The following CHN2 variants were observed in gnomAD, a reference collection of about 807,000 sequenced individuals.
CHN2 encodes the protein chimerin 2, also known as beta-chimaerin.
A neutral mutation model predicts 56.3 loss-of-function variants in CHN2; 35 were observed. The ratio of observed to expected loss-of-function variants is 0.62; its 90% CI spans 0.47 to 0.82. The LOEUF (loss-of-function observed/expected upper bound fraction) is 0.82, where lower values mean the gene tolerates loss of function less well. Among genes scored for constraint, CHN2 ranks in the 40% least tolerant of loss-of-function variants. CHN2 has a pLI of 0.00. For missense variants in CHN2, 491 were observed against 580.5 expected (o/e 0.85, Z 1.58); for synonymous variants, 210 against 212.8 (o/e 0.99, Z 0.12).
intron 12 of CHN2, chr7:29,509,777 A>G (rs1016900177): frequency 1.9e-5 from 3 of 161,322 alleles, no homozygotes; most frequent in Non-Finnish European, 4.0e-5. Flanking sequence ...CCCAGGAGGC[A>G]GAGCTGGCAG....
chr7:29,368,359 AC>A (rs1373988721), intron 3 of CHN2, among the ~76,000 whole-genome samples: 1 of 152,128 alleles, frequency 6.6e-6, no homozygotes, highest in African/African-American at 2.4e-5. Flanking sequence ...ACTTCTGGGT[AC>A]TTTCAACGCC....
At chr7:29,157,292 A>G (rs1030526789) in intron 2 of CHN2, among the ~76,000 whole-genome samples, 1 of 151,764 alleles carries the variant, frequency 6.6e-6, no homozygotes, top group African/African-American at 2.4e-5. Context: ...ACCTGTCAGT[A>G]CTGCATCTTT....
chr7:29,451,382 C>G (rs1316739526), intron 6 of CHN2, among the ~76,000 whole-genome samples: 2 of 152,094 alleles, frequency 1.3e-5, no homozygotes, highest in East Asian at 1.9e-4. Flanking sequence ...GGTGCACAGA[C>G]AGCTGCCTGT....
chr7:29,198,382 C>T (rs190620852), intron 1 of CHN2, among the ~76,000 whole-genome samples: 33 of 152,258 alleles, frequency 2.2e-4, no homozygotes, highest in Non-Finnish European at 3.7e-4. Context: ...TAAACTACAT[C>T]GCCCAAATGT....
intron 3 of CHN2, among the ~76,000 whole-genome samples, chr7:29,382,800 C>G (rs1402383059): frequency 6.6e-6 from 1 of 152,172 alleles, no homozygotes. Flanking sequence ...TTTTGCCAGG[C>G]TAAGGCATAG....
chr7:29,232,565 G>A (rs1786798663), intron 1 of CHN2, among the ~76,000 whole-genome samples: 1 of 152,192 alleles, frequency 6.6e-6, no homozygotes, highest in African/African-American at 2.4e-5. Flanking sequence ...GAATTTTGCA[G>A]ATTTAATTTC....
At chr7:29,266,274 C>G (rs985883349) in intron 1 of CHN2, among the ~76,000 whole-genome samples, 3 of 152,172 alleles carry the variant, frequency 2.0e-5, no homozygotes, top group Non-Finnish European at 4.4e-5. Flanking sequence ...TTCTGTAACT[C>G]CTCCCTCCTC....
chr7:29,308,192 G>A (rs757651256), intron 1 of CHN2, among the ~76,000 whole-genome samples: 2 of 151,886 alleles, frequency 1.3e-5, no homozygotes, highest in African/African-American at 2.4e-5. Flanking sequence ...CTTATGTTAC[G>A]CTGCACTCTC....
chr7:29,201,369 G>T (rs767591347), intron 1 of CHN2, among the ~76,000 whole-genome samples: 2 of 151,858 alleles, frequency 1.3e-5, no homozygotes, highest in Non-Finnish European at 2.9e-5. Context: ...CCCACTTCCT[G>T]GCTCATCCTA....
At chr7:29,268,554 G>A (rs1790350088) in intron 1 of CHN2, among the ~76,000 whole-genome samples, 1 of 152,184 alleles carries the variant, frequency 6.6e-6, no homozygotes, top group Admixed American at 6.5e-5. Context: ...ATGCACGGAT[G>A]CTTCTGCACC....
chr7:29,491,318 A>G (rs1444155490), intron 7 of CHN2, among the ~76,000 whole-genome samples: 3 of 152,142 alleles, frequency 2.0e-5, no homozygotes, highest in Non-Finnish European at 4.4e-5. Context: ...GATTTTTTCT[A>G]CAATCACTGT....
intron 1 of CHN2, among the ~76,000 whole-genome samples, chr7:29,208,089 A>G (rs1277963457): frequency 1.3e-5 from 2 of 152,158 alleles, no homozygotes; most frequent in African/African-American, 4.8e-5. Flanking sequence ...CCTCCCAAGT[A>G]TAGAGACTCC....
At position 29,331,984 on chromosome 7, in the gene CHN2, C is replaced by T. The variant is rs1027959062; in HGVS notation, c.50-22641C>T. 8.1e-5 allele frequency among the ~76,000 whole-genome samples: 12 copies of T among 148,098 alleles called. No homozygotes were observed. In the Middle Eastern group the frequency reaches 0.01, roughly 129 times the overall value. On this transcript the variant is annotated intron_variant, in intron 1 of 12. Transcript: ENST00000222792. Reference sequence around the variant, plus strand: ...CCAAGATTGCGCCACGGCACTCCAGCCTGGGCAACAGAGCGAGACTCTGTC... The same window carrying T: ...CCAAGATTGCGCCACGGCACTCCAGTCTGGGCAACAGAGCGAGACTCTGTC...
chr7:29,444,910 G>C (rs1000245031), intron 6 of CHN2, among the ~76,000 whole-genome samples: 1 of 152,152 alleles, frequency 6.6e-6, no homozygotes, highest in Non-Finnish European at 1.5e-5. Flanking sequence ...TCGATGGTTT[G>C]GATACCTTTG....
intron 6 of CHN2, among the ~76,000 whole-genome samples, chr7:29,417,492 C>T (rs1396360426): frequency 6.6e-6 from 1 of 152,010 alleles, no homozygotes; most frequent in Non-Finnish European, 1.5e-5. Context: ...CCCGCCACCA[C>T]GCCCGGCTAA....
chr7:29,483,691 T>A (rs1562646142), intron 7 of CHN2: 1 of 266,562 alleles, frequency 3.8e-6, no homozygotes, highest in Non-Finnish European at 6.0e-6. Context: ...CTGCTGTAAC[T>A]GGAACAGCTC....
At chr7:29,444,791 A>G (rs574110535) in intron 6 of CHN2, among the ~76,000 whole-genome samples, 1 of 152,308 alleles carries the variant, frequency 6.6e-6, no homozygotes, top group East Asian at 1.9e-4. Context: ...CAGACAACTT[A>G]CCACACTACT....
intron 2 of CHN2, among the ~76,000 whole-genome samples, chr7:29,356,723 T>A (rs2128928040): frequency 6.6e-6 from 1 of 152,318 alleles, no homozygotes; most frequent in African/African-American, 2.4e-5. Flanking sequence ...CTGTGCTGGG[T>A]CTCTAAGGGC....
At chr7:29,219,283 C>G (rs1210464310) in intron 1 of CHN2, among the ~76,000 whole-genome samples, 2 of 151,932 alleles carry the variant, frequency 1.3e-5, no homozygotes, top group Non-Finnish European at 2.9e-5. Flanking sequence ...TTAAAGAGGA[C>G]TGAAATAAGT....
Sources: allele counts gnomAD v4.1 joint callset (sites outside exome capture counted in the v4.1 genomes callset), GRCh38; gene constraint gnomAD v4.1.1; transcripts MANE v1.5; gene names NCBI Gene and HGNC (gene_info 2026-07-23, HGNC 2026-07-21).